The following ALG12 variants were observed in gnomAD, a reference collection of about 807,000 sequenced individuals.
The protein encoded by ALG12 is dol-P-Man:Man(7)GlcNAc(2)-PP-Dol alpha-1,6-mannosyltransferase.
ALG12 carries 36 observed loss-of-function variants against 46.0 expected under a neutral mutation model. That is an observed-to-expected ratio of 0.78 (90% confidence interval 0.60 to 1.03). The LOEUF (loss-of-function observed/expected upper bound fraction) is 1.03. Ranked by LOEUF, ALG12 falls within the 50% of genes least tolerant of loss-of-function variation. The probability of loss-of-function intolerance (pLI) is 0.00; values close to 1 mark genes in which losing one functional copy is unlikely to be tolerated. For synonymous variants in ALG12, 326 were observed against 291.6 expected (o/e 1.12, Z -1.20); for missense variants, 599 against 633.5 (o/e 0.95, Z 0.58).
rs767202883 is a variant in ALG12 at position 49,910,097 on chromosome 22, C to T, written c.470-9G>A. Reference sequence around the variant, plus strand: ...CGCGAGGGCCAGCAGGACTGCAAGACAGTGCGGGAGGGTGCTCGTCAAGAC... The same window carrying T: ...CGCGAGGGCCAGCAGGACTGCAAGATAGTGCGGGAGGGTGCTCGTCAAGAC... On this transcript the variant is annotated splice_polypyrimidine_tract_variant and intron_variant, in intron 4 of 9. Coordinates refer to ENST00000330817, the MANE Select transcript of ALG12 (RefSeq NM_024105.4). 1.3e-6 allele frequency: 2 copies of T among 1,599,074 alleles called. No homozygotes were observed. The highest frequency in any genetic ancestry group is 3.5e-5 in the Admixed American group (2 of 57,558).
the ALG12 span, among the ~76,000 whole-genome samples, chr22:49,864,525 C>T: frequency 2.0e-5 from 3 of 152,252 alleles, no homozygotes; most frequent in African/African-American, 4.8e-5. Context: ...GCACTTAATA[C>T]CTGATTGGAG....
Position 49,913,404 on chromosome 22 carries a change from C to T in ALG12, c.276G>A (p.Lys92=), listed in dbSNP as rs2060590970. Residue 92 remains lysine (K), a synonymous_variant, in exon 3 of 10, where the codon AAG becomes AAA. Coordinates refer to ENST00000330817, the MANE Select transcript of ALG12 (RefSeq NM_024105.4). ...CCTTACCTATTAGCTGAGAGTAAAACTTGGACATTTCTAACAGCGAAAGCA... is the reference window on the plus strand; with the variant it reads ...CCTTACCTATTAGCTGAGAGTAAAATTTGGACATTTCTAACAGCGAAAGCA... The part of the protein sequence containing the change: ...VYVLSLLEMS[K]FYSQLIVRGV... The T allele has an allele frequency of 6.2e-7, 1 of 1,613,868 alleles. No individual in the cohort carries two copies. Among genetic ancestry groups the T allele is most frequent in the African/African-American group, 1.3e-5 (1 of 74,956 alleles).
At chr22:49,884,907 ATCT>A in the ALG12 span, 1 of 1,602,918 alleles carries the variant, frequency 6.2e-7, no homozygotes. Flanking sequence ...CGGCCTTCTC[ATCT>A]TCCGATGACA....
chr22:49,884,250 G>C, the ALG12 span: 1 of 1,604,660 alleles, frequency 6.2e-7, no homozygotes, highest in Admixed American at 1.7e-5. Context: ...CTGCGGACGC[G>C]GGTGACCTCA....
intron 1 of ALG12, 122 bp from the exon 2 acceptor site, chr22:49,913,965 C>G (rs1234797730): frequency 1.6e-6 from 1 of 644,568 alleles, no homozygotes; most frequent in East Asian, 2.8e-5. Context: ...TACTACAAAT[C>G]TGAAAACGCA....
chr22:49,903,304 T>G lies in ALG12; in HGVS notation c.*534A>C, dbSNP rs1447241864. ...TTATCTCCTAAGATTTTATCTGTGA[T>G]GGAGATGGGATGCCTGTGAATACAA... On this transcript the variant is annotated 3_prime_UTR_variant, in exon 10 of 10. Coordinates refer to ENST00000330817, the MANE Select transcript of ALG12 (RefSeq NM_024105.4). 6.6e-6 allele frequency: 3 copies of G among 456,500 alleles called. No homozygotes were observed. Among genetic ancestry groups the G allele is most frequent in the South Asian group, 4.7e-5 (3 of 64,498 alleles). 28.3% of individuals were successfully genotyped at this position (456,500 alleles called of 1,614,324 possible). A position where few individuals can be genotyped will look rare whatever the true frequency, so the allele number is the denominator to read the frequency against.
the ALG12 span, among the ~76,000 whole-genome samples, chr22:49,864,839 A>AAAAAAAAAAAAG: frequency 3.0e-5 from 4 of 133,112 alleles, 1 homozygote; most frequent in African/African-American, 1.5e-4. Context: ...AAAAAAAAAA[A>AAAAAAAAAAAAG]GCCCTGATTA....
At chr22:49,913,874 C>T (rs2060595828) in intron 1 of ALG12, 31 bp from the exon 2 acceptor site, 4 of 1,462,660 alleles carry the variant, frequency 2.7e-6, no homozygotes, top group East Asian at 2.3e-5. Flanking sequence ...TCCTGAGGTT[C>T]GAAAGTCACG....
chr22:49,893,547 T>C, the ALG12 span, among the ~76,000 whole-genome samples: 70 of 152,260 alleles, frequency 4.6e-4, no homozygotes, highest in Admixed American at 1.5e-3. Flanking sequence ...TAGATTTATA[T>C]ACCCAGTGAG....
chr22:49,885,513 G>A, the ALG12 span: 30 of 1,609,866 alleles, frequency 1.9e-5, no homozygotes, highest in South Asian at 3.3e-5. Context: ...CTGAGGTCTC[G>A]GAGACGGCTC....
chr22:49,903,979 G>C lies in ALG12; in HGVS notation c.1326C>G (p.Ala442=), dbSNP rs1327215369. ...ILMEAAPGLL[A]LYRDTHRVLA... Reference sequence around the variant, plus strand: ...GGACCCGGTGTGTGTCCCTGTAGAGGGCCAGGAGCCCAGGGGCCGCCTCCA... The same window carrying C: ...GGACCCGGTGTGTGTCCCTGTAGAGCGCCAGGAGCCCAGGGGCCGCCTCCA... The change falls in exon 10 of 10, where the codon GCC becomes GCG. Residue 442 remains alanine (A), a synonymous_variant. Coordinates refer to ENST00000330817, the MANE Select transcript of ALG12 (RefSeq NM_024105.4). The C allele has an allele frequency of 6.2e-7, 1 of 1,614,074 alleles. No individual in the cohort carries two copies. The highest frequency in any genetic ancestry group is 1.3e-5 in the African/African-American group (1 of 74,934).
chr22:49,868,317 AT>A, the ALG12 span, among the ~76,000 whole-genome samples: 1 of 152,246 alleles, frequency 6.6e-6, no homozygotes, highest in Non-Finnish European at 1.5e-5. Flanking sequence ...AATGAATAAA[AT>A]AACTACACTT....
chr22:49,874,388 ATTTT>A, the ALG12 span, among the ~76,000 whole-genome samples: 1 of 143,156 alleles, frequency 7.0e-6, no homozygotes, highest in Non-Finnish European at 1.5e-5. Flanking sequence ...TATTGTTTTA[ATTTT>A]TTTTTTTTTT....
rs769138662 is a variant in ALG12 at position 49,907,849 on chromosome 22, C to T, written c.864G>A (p.Thr288=). The T allele has an allele frequency of 3.2e-5, 52 of 1,613,854 alleles. No homozygotes were observed. Among genetic ancestry groups the T allele is most frequent in the Non-Finnish European group, 3.2e-5 (38 of 1,180,014 alleles). Reference sequence around the variant, plus strand: ...CCAGTGCCAGCACCGTCGGCGCGTGCGTCCTTCTGTCTACCAAGCCCAGGG... The same window carrying T: ...CCAGTGCCAGCACCGTCGGCGCGTGTGTCCTTCTGTCTACCAAGCCCAGGG... The part of the protein sequence containing the change: ...FIPLGLVDRR[T]HAPTVLALGF... The change falls in exon 7 of 10, where the codon ACG becomes ACA. Residue 288 remains threonine (T), a synonymous_variant. Transcript: ENST00000330817.
At chr22:49,888,245 A>G in the ALG12 span, 5 of 167,166 alleles carry the variant, frequency 3.0e-5, no homozygotes, top group South Asian at 1.0e-3. Context: ...TTCAGAGAAA[A>G]AAAGATTCAT....
chr22:49,880,318 G>A, the ALG12 span, among the ~76,000 whole-genome samples: 1,247 of 152,300 alleles, frequency 8.2e-3, 20 homozygotes, highest in African/African-American at 0.029. Context: ...TCTGAGGGTG[G>A]TTTCCTCAAA....
rs566263418 is a variant in ALG12, at chr22:49,902,134, T to C, written c.*1704A>G. On this transcript the variant is annotated 3_prime_UTR_variant, in exon 10 of 10. Coordinates refer to ENST00000330817, the MANE Select transcript of ALG12 (RefSeq NM_024105.4). Reference sequence around the variant, plus strand: ...TGCATGGTAATGTGCACGTGTGCACTGTGTGTGGTGTGTATGCATGGTGTG... The same window carrying C: ...TGCATGGTAATGTGCACGTGTGCACCGTGTGTGGTGTGTATGCATGGTGTG... 2 of 115,842 alleles carry C rather than the reference T, an allele frequency of 1.7e-5. No individual in the cohort carries two copies. Among genetic ancestry groups the C allele is most frequent in the South Asian group, 5.5e-4 (2 of 3,616 alleles). 7.2% of individuals were successfully genotyped at this position (115,842 alleles called of 1,614,324 possible). A position where few individuals can be genotyped will look rare whatever the true frequency, so the allele number is the denominator to read the frequency against.
Position 49,901,998 on chromosome 22 carries a change from A to G in ALG12, c.*1840T>C, listed in dbSNP as rs1221891062. The G allele has an allele frequency of 1.7e-5, 2 of 116,188 alleles. No individual in the cohort carries two copies. The highest frequency in any genetic ancestry group is 3.4e-5 in the Non-Finnish European group (2 of 58,972). The allele number at this position is 116,188 out of a possible 1,614,324, so 7.2% of individuals were successfully genotyped here. A position where few individuals can be genotyped will look rare whatever the true frequency, so the allele number is the denominator to read the frequency against. ...GTATGCATGGTGTGTGCACGTGTGC[A>G]CTGTGTATGCATGGTAATGTGCACG... On this transcript the variant is annotated 3_prime_UTR_variant, in exon 10 of 10. Transcript: ENST00000330817.
the ALG12 span, among the ~76,000 whole-genome samples, chr22:49,894,153 A>C: frequency 6.6e-6 from 1 of 152,182 alleles, no homozygotes; most frequent in Non-Finnish European, 1.5e-5. Flanking sequence ...CGACAGAGCA[A>C]GACTTCATCT....
Sources: allele counts gnomAD v4.1 joint callset (sites outside exome capture counted in the v4.1 genomes callset), GRCh38; gene constraint gnomAD v4.1.1; transcripts MANE v1.5; gene names NCBI Gene and HGNC (gene_info 2026-07-23, HGNC 2026-07-21).